Variants in DLEU7 observed in about 807,000 individuals in gnomAD.
DLEU7 encodes the protein deleted in lymphocytic leukemia 7.
A neutral mutation model predicts 16.0 loss-of-function variants in DLEU7; 17 were observed. That is an observed-to-expected ratio of 1.06 (90% CI 0.73 to 1.59). The LOEUF (loss-of-function observed/expected upper bound fraction) is 1.59, where lower values mean the gene tolerates loss of function less well. DLEU7 is among the 40% of genes most tolerant of loss of function. DLEU7 has a pLI of 0.00. For missense variants in DLEU7, 308 were observed against 314.9 expected (o/e 0.98, Z 0.17); for synonymous variants, 113 against 139.8 (o/e 0.81, Z 1.35).
At position 50,743,477 on chromosome 13, in the gene DLEU7, G is replaced by C. The variant is rs541974736; in HGVS notation, c.460-30237C>G. 1.1e-3 allele frequency among the ~76,000 whole-genome samples: 172 copies of C among 152,290 alleles called. 1 individual carries two copies. Among genetic ancestry groups the C allele is most frequent in the African/African-American group, 4.0e-3 (165 of 41,554 alleles). On this transcript the variant is annotated intron_variant, in intron 1 of 1. Transcript: ENST00000400393. ...CTATTCTTTACAGCTGTTAGGTCTTGAGCATGTCGCTCAACCTTCAAGCCT... is the reference window on the plus strand; with the variant it reads ...CTATTCTTTACAGCTGTTAGGTCTTCAGCATGTCGCTCAACCTTCAAGCCT...
At chr13:50,769,539 T>C (rs1193197812) in intron 1 of DLEU7, among the ~76,000 whole-genome samples, 2 of 152,332 alleles carry the variant, frequency 1.3e-5, no homozygotes, top group African/African-American at 2.4e-5. Flanking sequence ...ATTTATTAAA[T>C]AGGGAGTCCT....
In DLEU7 at chr13:50,752,638, C is replaced by T. The variant is rs141849559; in HGVS notation, c.460-39398G>A. The stretch of plus-strand genomic sequence containing the variant: ...TCAGGAGTGAAGCTGCCGACCTTCA[C>T]GGTGAGTGTTACAGCTCTTAAGGCG... On this transcript the variant is annotated intron_variant, in intron 1 of 1. Transcript: ENST00000400393. Among the ~76,000 whole-genome samples the T allele has an allele frequency of 3.7e-3, 559 of 151,452 alleles. 14 individuals carry two copies. The East Asian group carries it at 0.051, about 14-fold the overall frequency.
chr13:50,768,122 A>G (rs1875175152), intron 1 of DLEU7, among the ~76,000 whole-genome samples: 4 of 152,188 alleles, frequency 2.6e-5, no homozygotes, highest in East Asian at 1.9e-4. Flanking sequence ...TTCTTCAGCC[A>G]AAGAACATCT....
chr13:50,832,333 C>A (rs1469316189), intron 1 of DLEU7, among the ~76,000 whole-genome samples: 1 of 152,010 alleles, frequency 6.6e-6, no homozygotes, highest in Non-Finnish European at 1.5e-5. Context: ...GTGGTGATAG[C>A]CCCTTTATCA....
chr13:50,820,602 T>A (rs1007812246), downstream of DLEU7, among the ~76,000 whole-genome samples: 21 of 152,052 alleles, frequency 1.4e-4, no homozygotes, highest in Non-Finnish European at 5.9e-5. Flanking sequence ...CCCTGTGCAA[T>A]CAGAAGCAAG....
In DLEU7 at chr13:50,833,853, T is replaced by A. The variant is rs1428343300; in HGVS notation, c.459+9335A>T. Among the ~76,000 whole-genome samples the A allele has an allele frequency of 3.3e-5, 5 of 152,002 alleles. No homozygotes were observed. In the South Asian group the frequency reaches 1.0e-3, roughly 32 times the overall value. ...GTACCAAAACAGATATATAGACAAA[T>A]GGAACAGAACAGAGGCCTCAGAAAT... On this transcript the variant is annotated intron_variant, in intron 1 of 1. Transcript: ENST00000504404.
intron 1 of DLEU7, among the ~76,000 whole-genome samples, chr13:50,772,511 T>C (rs1007869823): frequency 2.0e-5 from 3 of 152,246 alleles, no homozygotes; most frequent in Non-Finnish European, 4.4e-5. Flanking sequence ...ATTTTATTTC[T>C]CCTTCACTTA....
chr13:50,793,340 C>T (rs906066199), intron 1 of DLEU7, among the ~76,000 whole-genome samples: 1 of 152,000 alleles, frequency 6.6e-6, no homozygotes, highest in African/African-American at 2.4e-5. Flanking sequence ...CTGCAGTGAA[C>T]ATACATATTT....
chr13:50,755,288 C>A (rs373063147), intron 1 of DLEU7, among the ~76,000 whole-genome samples: 1 of 152,162 alleles, frequency 6.6e-6, no homozygotes, highest in Admixed American at 6.5e-5. Context: ...ATATGTTTTC[C>A]AAACTCTTAG....
At chr13:50,722,060 G>A (rs1308746823) in intron 1 of DLEU7, among the ~76,000 whole-genome samples, 1 of 152,136 alleles carries the variant, frequency 6.6e-6, no homozygotes, top group African/African-American at 2.4e-5. Context: ...AGAGCATGGG[G>A]TTGTGTGGAT....
intron 1 of DLEU7, among the ~76,000 whole-genome samples, chr13:50,775,239 G>A (rs562301148): frequency 6.6e-6 from 1 of 151,768 alleles, no homozygotes; most frequent in African/African-American, 2.4e-5. Flanking sequence ...GAAGAACGTT[G>A]ACTTTTGTTT....
At chr13:50,840,599 A>G (rs1877621478) in intron 1 of DLEU7, among the ~76,000 whole-genome samples, 1 of 152,166 alleles carries the variant, frequency 6.6e-6, no homozygotes, top group Non-Finnish European at 1.5e-5. Context: ...AATGTTTTCA[A>G]AGTTTGCTCA....
chr13:50,779,609 C>T (rs1249955777), intron 1 of DLEU7, among the ~76,000 whole-genome samples: 3 of 152,196 alleles, frequency 2.0e-5, no homozygotes, highest in African/African-American at 7.2e-5. Context: ...CAGATACCTG[C>T]AGCCCCATGC....
intron 1 of DLEU7, among the ~76,000 whole-genome samples, chr13:50,750,552 T>G (rs1429224475): frequency 1.3e-5 from 2 of 152,228 alleles, no homozygotes; most frequent in African/African-American, 2.4e-5. Context: ...CAATATTGAT[T>G]CAACCCATTC....
intron 1 of DLEU7, among the ~76,000 whole-genome samples, chr13:50,805,037 TTCTC>T (rs1044077280): frequency 3.9e-5 from 6 of 152,150 alleles, no homozygotes; most frequent in Middle Eastern, 3.2e-3. Context: ...TACATTTTCT[TTCTC>T]TCTTGTAAAA....
At chr13:50,754,250 T>C (rs1415031485) in intron 1 of DLEU7, among the ~76,000 whole-genome samples, 3 of 152,222 alleles carry the variant, frequency 2.0e-5, no homozygotes, top group African/African-American at 7.2e-5. Context: ...TGACGACCTG[T>C]CTAGTGCTAT....
chr13:50,730,095 G>A (rs1433847984), intron 1 of DLEU7, among the ~76,000 whole-genome samples: 2 of 152,020 alleles, frequency 1.3e-5, no homozygotes, highest in Non-Finnish European at 2.9e-5. Context: ...TCATTAAGTG[G>A]AAGTGGATCA....
upstream of DLEU7, chr13:50,843,772 G>A: frequency 7.7e-7 from 1 of 1,290,672 alleles, no homozygotes; most frequent in Non-Finnish European, 1.0e-6. The surrounding 1 kb of genome is among the most constrained non-coding windows in gnomAD (Gnocchi z 5.7). Context: ...GTCTCACAGC[G>A]TGTGTGGTCG....
In DLEU7 at chr13:50,792,831, G is replaced by A. The variant is rs9596370; in HGVS notation, c.459+50357C>T. 2.7e-4 allele frequency among the ~76,000 whole-genome samples: 40 copies of A among 150,038 alleles called. 1 individual carries two copies. The highest frequency in any genetic ancestry group is 9.5e-4 in the African/African-American group (39 of 40,908). ...CTTCACATAGATTAGTTTGTCTTCT[G>A]GTTTTTGGGTTTTCTTGCATTCTTT... On this transcript the variant is annotated intron_variant, in intron 1 of 1. Transcript: ENST00000400393.
Sources: gnomAD v4.1 joint callset for allele counts (sites outside exome capture counted in the v4.1 genomes callset) on GRCh38, gnomAD v4.1.1 for gene constraint, Gnocchi (gnomAD v3.1) non-coding constraint, MANE v1.5 for transcripts, NCBI Gene and HGNC (gene_info 2026-07-23, HGNC 2026-07-21) for gene names.